The following RGPD3 variants were observed in gnomAD, a reference collection of about 807,000 sequenced individuals.
RGPD3 encodes RANBP2 like and GRIP domain containing 3.
In RGPD3, 62 loss-of-function variants were observed where a neutral mutation model predicts 154.5. That is an observed-to-expected ratio of 0.40 (90% CI 0.33 to 0.50). RGPD3 has a LOEUF of 0.50. Ranked by LOEUF, RGPD3 falls within the 20% of genes least tolerant of loss-of-function variation. The probability of loss-of-function intolerance (pLI) is 0.59; values close to 1 mark genes in which losing one functional copy is unlikely to be tolerated. For synonymous variants in RGPD3, 308 were observed against 607.0 expected (o/e 0.51, Z 7.24); for missense variants, 919 against 1,716.8 (o/e 0.54, Z 8.21).
rs779731415 is a variant in RGPD3 at position 106,424,645 on chromosome 2, C to T, written c.3322G>A (p.Val1108Met). Residue 1108 changes from valine to methionine, a missense_variant, in exon 20 of 23, where the codon GTG (valine) becomes ATG (methionine). Physicochemically the swap from Val to Met is conservative, Grantham distance 21 (BLOSUM62 1). Transcript: ENST00000409886. ...MLMQREQVLKVCANHWITTTM... is the reference protein window; with the variant it reads ...MLMQREQVLKMCANHWITTTM... ...GTCGTTATCCAATGATTAGCACACA[C>T]TTTTAGTACTTGTTCTCTTTGCATC... 1.9e-5 allele frequency: 31 copies of T among 1,611,880 alleles called. No homozygotes were observed. Among genetic ancestry groups the T allele is most frequent in the Non-Finnish European group, 1.9e-5 (23 of 1,179,860 alleles).
At chr2:106,450,142 G>A (rs1678067664) in intron 6 of RGPD3, among the ~76,000 whole-genome samples, 1 of 140,784 alleles carries the variant, frequency 7.1e-6, no homozygotes, top group African/African-American at 2.6e-5. Flanking sequence ...CACTTTGGGA[G>A]GCCGAGGAGG....
intron 22 of RGPD3, among the ~76,000 whole-genome samples, chr2:106,406,925 A>T (rs1201545613): frequency 6.6e-6 from 1 of 152,122 alleles, no homozygotes; most frequent in South Asian, 2.1e-4. Context: ...GTCTGGTTTT[A>T]TCTGCGTGTT....
At chr2:106,465,966 G>C (rs928353989) in intron 1 of RGPD3, among the ~76,000 whole-genome samples, 6 of 151,966 alleles carry the variant, frequency 3.9e-5, no homozygotes, top group Non-Finnish European at 7.4e-5. Context: ...CCGGAGCTGC[G>C]TCAGTCCCCA....
intron 1 of RGPD3, among the ~76,000 whole-genome samples, chr2:106,466,737 G>T (rs377268853): frequency 2.1e-5 from 1 of 48,748 alleles, no homozygotes; most frequent in African/African-American, 7.1e-5. Context: ...TCAACAGAGC[G>T]CGCCAGGGAG....
intron 1 of RGPD3, among the ~76,000 whole-genome samples, chr2:106,467,112 G>A (rs1184677161): frequency 5.1e-5 from 5 of 97,688 alleles, no homozygotes; most frequent in Admixed American, 4.4e-4. Flanking sequence ...GGTCGAGGCC[G>A]GCGCCTCAAC....
intron 2 of RGPD3, among the ~76,000 whole-genome samples, chr2:106,459,051 T>C (rs1410584920): frequency 4.4e-4 from 64 of 147,046 alleles, no homozygotes; most frequent in Non-Finnish European, 8.4e-4. Context: ...TTCTTGCCCT[T>C]GGTATAAAGC....
At chr2:106,468,886 G>A (rs537723623), upstream of RGPD3, among the ~76,000 whole-genome samples, 26 of 145,260 alleles carry the variant, frequency 1.8e-4, no homozygotes, top group East Asian at 4.8e-3. Flanking sequence ...AGGAAGAAAG[G>A]ACAGTAATGA....
rs757886351 is a variant in RGPD3, at chr2:106,424,769, T to G, written c.3198A>C (p.Lys1066Asn). ...TTACCTCAGCATCAAATCTAAATAG[T>G]TTTACCCCCTGTGAATACAGAACTT... is the stretch of plus-strand genomic sequence containing the variant. Reference protein sequence around the residue: ...GEKVLYSQGVKLFRFDAEVSQ... With the variant: ...GEKVLYSQGVNLFRFDAEVSQ... Residue 1066 changes from lysine (K) to asparagine (N), a missense_variant, in exon 20 of 23, where the codon AAA becomes AAC. Physicochemically the swap from Lys to Asn is moderately conservative, Grantham distance 94 (BLOSUM62 0). Coordinates refer to ENST00000409886, the MANE Select transcript of RGPD3 (RefSeq NM_001144013.2). 1.2e-5 allele frequency: 20 copies of G among 1,611,786 alleles called. No individual in the cohort carries two copies. The highest frequency in any genetic ancestry group is 1.7e-5 in the Non-Finnish European group (20 of 1,179,852).
chr2:106,467,360 G>A (rs1172976656), intron 1 of RGPD3, among the ~76,000 whole-genome samples: 4 of 132,890 alleles, frequency 3.0e-5, no homozygotes, highest in African/African-American at 1.2e-4. Context: ...GGTCGAGGCC[G>A]CCGCCTCAAC....
chr2:106,467,350 G>A (rs1678650750), intron 1 of RGPD3, among the ~76,000 whole-genome samples: 1 of 135,176 alleles, frequency 7.4e-6, no homozygotes. Context: ...CGCAGGGCCA[G>A]GTCGAGGCCG....
chr2:106,470,871 C>A (rs12466313), upstream of RGPD3: 3 of 1,554,986 alleles, frequency 1.9e-6, no homozygotes, highest in Non-Finnish European at 2.6e-6. Flanking sequence ...AGTACTGGGC[C>A]GAGGCATTGT....
rs1235359123 is a variant in RGPD3 at position 106,458,985 on chromosome 2, C to T, written c.140+280G>A. On this transcript the variant is annotated intron_variant, in intron 2 of 22. Transcript: ENST00000409886. Reference sequence around the variant, plus strand: ...AAACAAATTAAGATATAGGCATGGTCCTCTTTTACTTCAACAGAAGACAAT... The same window carrying T: ...AAACAAATTAAGATATAGGCATGGTTCTCTTTTACTTCAACAGAAGACAAT... Among the ~76,000 whole-genome samples the T allele has an allele frequency of 7.4e-4, 104 of 141,212 alleles. 1 individual carries two copies. The highest frequency in any genetic ancestry group is 6.0e-4 in the Non-Finnish European group (39 of 65,266). 92.6% of individuals were successfully genotyped at this position (141,212 alleles called of 152,430 possible).
intron 6 of RGPD3, among the ~76,000 whole-genome samples, chr2:106,448,131 G>A (rs926125640): frequency 4.3e-4 from 61 of 143,472 alleles, no homozygotes; most frequent in African/African-American, 1.4e-3. Context: ...TTTTTGAGAC[G>A]GAGTCTCTCA....
intron 7 of RGPD3, among the ~76,000 whole-genome samples, chr2:106,445,270 C>A (rs1233660297): frequency 6.7e-6 from 1 of 148,352 alleles, no homozygotes; most frequent in East Asian, 2.0e-4. Flanking sequence ...GCCTGGGCGA[C>A]AGAGTGAGAC....
intron 8 of RGPD3, among the ~76,000 whole-genome samples, chr2:106,440,517 T>C (rs1350603598): frequency 2.7e-5 from 4 of 149,024 alleles, no homozygotes; most frequent in African/African-American, 1.0e-4. Context: ...AGGAAAAAAG[T>C]AGAAAGTCAC....
rs547215583 is a variant in RGPD3 at position 106,468,256 on chromosome 2, G to A, written c.33C>T (p.Tyr11=). The change falls in exon 1 of 23, where the codon TAC becomes TAT. Residue 11 remains tyrosine, a synonymous_variant. Coordinates refer to ENST00000409886, the MANE Select transcript of RGPD3 (RefSeq NM_001144013.2). The stretch of plus-strand genomic sequence containing the variant: ...GGGCGGAGCCCTGCACCGAGGCGAC[G>A]TACCGCTCCCCGTAGGCCTTGCTGC... MSCSKAYGER[Y]VASVQGSAPS... The A allele has an allele frequency of 1.5e-4, 238 of 1,607,836 alleles. 2 individuals are homozygous for A. In the East Asian group the frequency reaches 4.9e-3, roughly 33 times the overall value.
chr2:106,404,183 C>A lies in RGPD3; in HGVS notation c.*1036G>T, dbSNP rs867165546. Among the ~76,000 whole-genome samples, 1 of 150,176 alleles carries A rather than the reference C, an allele frequency of 6.7e-6. No homozygotes were observed. Among genetic ancestry groups the A allele is most frequent in the African/African-American group, 2.5e-5 (1 of 39,724 alleles). On this transcript the variant is annotated 3_prime_UTR_variant, in exon 23 of 23. Transcript: ENST00000409886. ...AAAGCACCACTTTTATATTTAGATT[C>A]AATGCTGAGTGATATAGTCACTGTT... is the stretch of plus-strand genomic sequence containing the variant.
intron 21 of RGPD3, among the ~76,000 whole-genome samples, chr2:106,414,110 A>G (rs2104446207): frequency 6.6e-6 from 1 of 152,146 alleles, no homozygotes; most frequent in Non-Finnish European, 1.5e-5. Flanking sequence ...AATGTAAAAC[A>G]CTATCAGAGA....
intron 20 of RGPD3, 33 bp downstream of exon 20, chr2:106,423,010 A>C (rs747364134): frequency 2.5e-5 from 18 of 727,244 alleles, no homozygotes; most frequent in Non-Finnish European, 3.9e-5. Context: ...AAGAAAGAAA[A>C]ATTGTGCTTA....
Sources: gnomAD v4.1 joint callset for allele counts (sites outside exome capture counted in the v4.1 genomes callset) on GRCh38, gnomAD v4.1.1 for gene constraint, MANE v1.5 for transcripts, NCBI Gene and HGNC (gene_info 2026-07-23, HGNC 2026-07-21) for gene names.